TLCD4: variants seen among roughly 807,000 people sequenced by gnomAD.
The protein encoded by TLCD4 is TLC domain containing 4.
TLCD4 carries 7 observed loss-of-function variants against 24.2 expected under a neutral mutation model. The ratio of observed to expected loss-of-function variants is 0.29; its 90% CI spans 0.16 to 0.54. TLCD4 has a LOEUF of 0.54. Among genes scored for constraint, TLCD4 ranks in the 20% least tolerant of loss-of-function variants. TLCD4 has a pLI of 0.95. For synonymous variants in TLCD4, 103 were observed against 106.4 expected, an observed-to-expected ratio of 0.97 and a Z score of 0.20; for missense variants, 259 against 313.9, an observed-to-expected ratio of 0.82 and a Z score of 1.32.
intron 5 of TLCD4, among the ~76,000 whole-genome samples, chr1:95,169,685 A>AT (rs1253959842): frequency 6.6e-6 from 1 of 151,926 alleles, no homozygotes; most frequent in African/African-American, 2.4e-5. Context: ...AATTTTTAGA[A>AT]TTTTTTTAAA....
chr1:95,189,950 G>T lies in TLCD4; in HGVS notation c.474-1600G>T, dbSNP rs577394321. 4.6e-5 allele frequency among the ~76,000 whole-genome samples: 7 copies of T among 152,274 alleles called. No homozygotes were observed. In the South Asian group the frequency reaches 1.2e-3, roughly 27 times the overall value. ...TGCCTGCTAAACTGTCTTCTAAAGT[G>T]GTTGTACCATTTTGCATTCCTAGCA... is the stretch of plus-strand genomic sequence containing the variant. On this transcript the variant is annotated intron_variant, in intron 6 of 6. Coordinates refer to ENST00000370203, the MANE Select transcript of TLCD4 (RefSeq NM_152487.3).
the TLCD4 span, among the ~76,000 whole-genome samples, chr1:95,107,296 G>A: frequency 5.3e-5 from 8 of 152,178 alleles, no homozygotes; most frequent in East Asian, 3.9e-4. Flanking sequence ...GGTGGTGGGC[G>A]CCTGTAGTCC....
At chr1:95,168,926 C>T (rs1366523845) in intron 5 of TLCD4, among the ~76,000 whole-genome samples, 1 of 152,194 alleles carries the variant, frequency 6.6e-6, no homozygotes, top group African/African-American at 2.4e-5. Context: ...AGCCAATTGA[C>T]TGGGGGTTCT....
chr1:95,131,159 G>A (rs192582041), intron 1 of TLCD4, among the ~76,000 whole-genome samples: 8 of 152,292 alleles, frequency 5.3e-5, no homozygotes, highest in African/African-American at 1.9e-4. Context: ...ACCCTTATGG[G>A]GCATACATTC....
intron 3 of TLCD4, 74 bp from the exon 4 acceptor site, chr1:95,150,134 A>G: frequency 6.7e-7 from 1 of 1,501,306 alleles, no homozygotes; most frequent in Non-Finnish European, 8.9e-7. Context: ...TTATATTTAA[A>G]TCTCTATAGA....
rs569664952 is a variant in TLCD4, at chr1:95,151,813, T to C, written c.399+394T>C. Reference sequence around the variant, plus strand: ...AATTCCATGTGCAATTACATATACATAATTACATTTAAGTAGGTTGGAGCA... The same window carrying C: ...AATTCCATGTGCAATTACATATACACAATTACATTTAAGTAGGTTGGAGCA... On this transcript the variant is annotated intron_variant, in intron 5 of 6. Transcript: ENST00000370203. 3.3e-5 allele frequency among the ~76,000 whole-genome samples: 5 copies of C among 152,304 alleles called. No homozygotes were observed. In the South Asian group the frequency reaches 8.3e-4, roughly 25 times the overall value.
chr1:95,189,569 C>T (rs569793018), intron 6 of TLCD4, among the ~76,000 whole-genome samples: 11 of 152,262 alleles, frequency 7.2e-5, no homozygotes, highest in East Asian at 3.9e-4. Flanking sequence ...CCACTCTTTC[C>T]GAAACTCTGG....
At chr1:95,172,853 C>A (rs1678276604) in intron 5 of TLCD4, among the ~76,000 whole-genome samples, 1 of 152,032 alleles carries the variant, frequency 6.6e-6, no homozygotes, top group African/African-American at 2.4e-5. Context: ...GGACTGTTTT[C>A]TTTGGCATGT....
intron 5 of TLCD4, 23 bp downstream of exon 5, chr1:95,151,442 GC>G: frequency 6.2e-7 from 1 of 1,604,614 alleles, no homozygotes; most frequent in African/African-American, 1.3e-5. Context: ...ATTTTCTGTA[GC>G]CTAACTAGCA....
rs1679138994 is a variant in TLCD4, at chr1:95,194,725, T to C, written c.*2857T>C. The C allele has an allele frequency of 6.6e-6, 1 of 152,134 alleles. No individual in the cohort carries two copies. The highest frequency in any genetic ancestry group is 2.4e-5 in the African/African-American group (1 of 41,450). 9.4% of individuals were successfully genotyped at this position (152,134 alleles called of 1,614,324 possible). On this transcript the variant is annotated 3_prime_UTR_variant, in exon 7 of 7. Transcript: ENST00000370203. ...TAAAAAATGAATGAAAACCAACTAATAGCATGCAAGATCATAGATCCTGCA... is the reference window on the plus strand; with the variant it reads ...TAAAAAATGAATGAAAACCAACTAACAGCATGCAAGATCATAGATCCTGCA...
chr1:95,163,068 G>A (rs990011895), intron 5 of TLCD4, among the ~76,000 whole-genome samples: 4 of 152,168 alleles, frequency 2.6e-5, no homozygotes, highest in African/African-American at 9.7e-5. Flanking sequence ...GGTTGGGGAA[G>A]TTCTCCTGGA....
At chr1:95,096,128 T>A in the TLCD4 span, among the ~76,000 whole-genome samples, 13 of 152,176 alleles carry the variant, frequency 8.5e-5, no homozygotes, top group African/African-American at 3.1e-4. Context: ...TAGGTAACAG[T>A]TCAAGCAATC....
the TLCD4 span, among the ~76,000 whole-genome samples, chr1:95,098,346 A>G: frequency 6.6e-6 from 1 of 151,920 alleles, no homozygotes; most frequent in African/African-American, 2.4e-5. Context: ...TTGTTTCCTC[A>G]TTTCCTCCAG....
At chr1:95,143,812 A>G (rs1432275799) in intron 1 of TLCD4, 79 bp from the exon 2 acceptor site, 3 of 1,235,482 alleles carry the variant, frequency 2.4e-6, no homozygotes, top group Non-Finnish European at 3.1e-6. Context: ...TAAAATTACA[A>G]GACATATTTC....
intron 1 of TLCD4, chr1:95,120,974 A>G (rs1676552640): frequency 6.6e-6 from 1 of 151,862 alleles, no homozygotes; most frequent in Non-Finnish European, 1.5e-5. Context: ...AGGTGTGGGG[A>G]GCATAGAATT....
rs1679074651 is a variant in TLCD4, at chr1:95,192,939, C to T, written c.*1071C>T. The T allele has an allele frequency of 6.6e-6, 1 of 152,076 alleles. No individual in the cohort carries two copies. Among genetic ancestry groups the T allele is most frequent in the African/African-American group, 2.4e-5 (1 of 41,414 alleles). 9.4% of individuals were successfully genotyped at this position (152,076 alleles called of 1,614,324 possible). On this transcript the variant is annotated 3_prime_UTR_variant, in exon 7 of 7. Transcript: ENST00000370203. ...GCATGTTGATAGAGGACTATTTAGG[C>T]TAATCGGAGGAATCATTAAGAAAGA... is the stretch of plus-strand genomic sequence containing the variant.
chr1:95,105,895 A>T, the TLCD4 span, among the ~76,000 whole-genome samples: 1 of 139,538 alleles, frequency 7.2e-6, no homozygotes, highest in African/African-American at 2.7e-5. Flanking sequence ...ACTCCGTCTT[A>T]AAAAAAAAAA....
At chr1:95,133,385 T>TA (rs55802856) in intron 1 of TLCD4, among the ~76,000 whole-genome samples, 65,585 of 148,390 alleles carry the variant, frequency 0.44, 16,090 homozygotes, top group East Asian at 0.74. Context: ...AAAGTATAAT[T>TA]AAAAAAAAAA....
chr1:95,187,793 T>A (rs1678877035), intron 6 of TLCD4, among the ~76,000 whole-genome samples: 1 of 152,026 alleles, frequency 6.6e-6, no homozygotes, highest in South Asian at 2.1e-4. Context: ...GTGGCTTAAA[T>A]AACAGAAATG....
Sources: allele counts gnomAD v4.1 joint callset (sites outside exome capture counted in the v4.1 genomes callset), GRCh38; gene constraint gnomAD v4.1.1; transcripts MANE v1.5; gene names NCBI Gene and HGNC (gene_info 2026-07-23, HGNC 2026-07-21).